Variants in RBFOX1 observed in about 807,000 individuals in gnomAD.
RBFOX1 encodes RNA binding fox-1 homolog 1, also known as RNA binding protein fox-1 homolog 1.
A neutral mutation model predicts 57.7 loss-of-function variants in RBFOX1; 8 were observed. The ratio of observed to expected loss-of-function variants is 0.14; its 90% CI spans 0.08 to 0.25. The LOEUF is 0.25. Among genes scored for constraint, RBFOX1 ranks in the 10% least tolerant of loss-of-function variants. RBFOX1 has a pLI of 1.00. For synonymous variants in RBFOX1, 326 were observed against 222.4 expected, an observed-to-expected ratio of 1.47 and a Z score of -4.15; for missense variants, 611 against 548.5, an observed-to-expected ratio of 1.11 and a Z score of -1.14.
At chr16:7,307,811 A>G (rs2096226065) in intron 4 of RBFOX1, among the ~76,000 whole-genome samples, 1 of 152,208 alleles carries the variant, frequency 6.6e-6, no homozygotes, top group South Asian at 2.1e-4. Context: ...TTCAGATGGA[A>G]CGGACAAGTA....
intron 1 of RBFOX1, among the ~76,000 whole-genome samples, chr16:5,453,613 T>C (rs1487800182): frequency 1.3e-5 from 2 of 152,122 alleles, no homozygotes; most frequent in Admixed American, 1.3e-4. Context: ...TAATACACCA[T>C]AGGCAGAGCT....
intron 2 of RBFOX1, among the ~76,000 whole-genome samples, chr16:6,618,435 T>G (rs1217310817): frequency 6.6e-6 from 1 of 152,220 alleles, no homozygotes; most frequent in African/African-American, 2.4e-5. Context: ...ACAGGAAGAC[T>G]AGTGTGTCAG....
At chr16:5,260,046 C>T (rs953365242) in intron 1 of RBFOX1, among the ~76,000 whole-genome samples, 2 of 152,106 alleles carry the variant, frequency 1.3e-5, no homozygotes, top group Non-Finnish European at 2.9e-5. Flanking sequence ...ACTAAAAATA[C>T]AAAAATTAGT....
chr16:6,157,287 A>C (rs2096845191), intron 1 of RBFOX1, among the ~76,000 whole-genome samples: 1 of 152,142 alleles, frequency 6.6e-6, no homozygotes, highest in Admixed American at 6.6e-5. Context: ...GGCCAAGGTA[A>C]GCCCAGAAAC....
intron 3 of RBFOX1, among the ~76,000 whole-genome samples, chr16:6,695,648 C>G (rs1371738644): frequency 6.6e-6 from 1 of 152,024 alleles, no homozygotes; most frequent in Non-Finnish European, 1.5e-5. Flanking sequence ...TTGTAAAAGA[C>G]GATCATAGTG....
intron 1 of RBFOX1, among the ~76,000 whole-genome samples, chr16:6,065,718 C>T (rs546884716): frequency 6.6e-6 from 1 of 152,274 alleles, no homozygotes; most frequent in East Asian, 1.9e-4. Flanking sequence ...CCTCTGTAGA[C>T]CTACTAAGTT....
intron 4 of RBFOX1, among the ~76,000 whole-genome samples, chr16:5,956,679 T>TATATATATA (rs1555456310): frequency 1.9e-5 from 1 of 53,206 alleles, no homozygotes; most frequent in African/African-American, 8.5e-5. Flanking sequence ...TATATATATA[T>TATATATATA]TTTTTTTGAG....
chr16:6,943,640 G>A (rs1318558545), intron 3 of RBFOX1, among the ~76,000 whole-genome samples: 5 of 151,804 alleles, frequency 3.3e-5, no homozygotes, highest in East Asian at 2.0e-4. Flanking sequence ...CCCGGGAGGC[G>A]GAGCTTGCAG....
intron 3 of RBFOX1, among the ~76,000 whole-genome samples, chr16:5,756,843 C>T (rs780829132): frequency 6.6e-6 from 1 of 152,234 alleles, no homozygotes; most frequent in South Asian, 2.1e-4. Context: ...CTAACAGGTA[C>T]TGAGTGTTTA....
At chr16:5,584,219 T>C (rs2046761213) in intron 2 of RBFOX1, among the ~76,000 whole-genome samples, 2 of 152,228 alleles carry the variant, frequency 1.3e-5, no homozygotes, top group African/African-American at 2.4e-5. Flanking sequence ...TACACTTCAC[T>C]TGTTTTGCCA....
intron 1 of RBFOX1, among the ~76,000 whole-genome samples, chr16:6,307,163 A>T (rs2079609039): frequency 1.3e-5 from 2 of 152,148 alleles, no homozygotes; most frequent in African/African-American, 4.8e-5. Flanking sequence ...ACGCCCCCCT[A>T]GGTCATCCTC....
chr16:6,839,377 G>A (rs1204611939), intron 3 of RBFOX1, among the ~76,000 whole-genome samples: 1 of 152,224 alleles, frequency 6.6e-6, no homozygotes. Flanking sequence ...AAAGGCTGAG[G>A]TTAGGTTGTC....
chr16:7,238,296 T>C (rs1045282728), intron 4 of RBFOX1, among the ~76,000 whole-genome samples: 1 of 151,876 alleles, frequency 6.6e-6, no homozygotes, highest in Non-Finnish European at 1.5e-5. Flanking sequence ...GTGAATGTAC[T>C]TAACACTACT....
chr16:5,602,969 G>C (rs958174099), downstream of RBFOX1, among the ~76,000 whole-genome samples: 2 of 152,152 alleles, frequency 1.3e-5, no homozygotes, highest in African/African-American at 4.8e-5. Context: ...CGTTCCTCTA[G>C]AGGAGTGAAA....
At chr16:7,379,508 A>C (rs894749148) in intron 4 of RBFOX1, among the ~76,000 whole-genome samples, 1 of 152,208 alleles carries the variant, frequency 6.6e-6, no homozygotes, top group African/African-American at 2.4e-5. Context: ...TTTACTAAAA[A>C]ATTTAAAATA....
chr16:5,757,642 A>C (rs1455809186), intron 3 of RBFOX1, among the ~76,000 whole-genome samples: 1 of 152,100 alleles, frequency 6.6e-6, no homozygotes, highest in Non-Finnish European at 1.5e-5. Context: ...GACGTGACCC[A>C]GGAGGAAATG....
intron 3 of RBFOX1, among the ~76,000 whole-genome samples, chr16:5,682,006 A>G (rs932865429): frequency 6.6e-5 from 10 of 152,188 alleles, no homozygotes; most frequent in Admixed American, 2.6e-4. Context: ...TGCGTAATAT[A>G]TATATGAGCC....
intron 3 of RBFOX1, among the ~76,000 whole-genome samples, chr16:5,782,562 C>T (rs2054358630): frequency 6.6e-6 from 1 of 152,100 alleles, no homozygotes; most frequent in African/African-American, 2.4e-5. Flanking sequence ...TAGAAGAAGA[C>T]AGTGTCAGGA....
chr16:6,971,459 G>A (rs1004407664), intron 3 of RBFOX1, among the ~76,000 whole-genome samples: 7 of 151,884 alleles, frequency 4.6e-5, no homozygotes, highest in Non-Finnish European at 8.8e-5. Flanking sequence ...GGGTCCCGCA[G>A]TGCAGAGCTT....
Sources: gnomAD v4.1 joint callset for allele counts (sites outside exome capture counted in the v4.1 genomes callset) on GRCh38, gnomAD v4.1.1 for gene constraint, MANE v1.5 for transcripts, NCBI Gene and HGNC (gene_info 2026-07-23, HGNC 2026-07-21) for gene names.